The following NCAM2 variants were observed in gnomAD, a reference collection of about 807,000 sequenced individuals.
NCAM2 encodes N-CAM-2.
Under a neutral mutation model 98.1 loss-of-function variants are expected in NCAM2, and 30 were observed. That is an observed-to-expected ratio of 0.31 (90% CI 0.23 to 0.41). The LOEUF (loss-of-function observed/expected upper bound fraction) is 0.41. NCAM2 is among the 10% of genes least tolerant of loss of function. The pLI is 1.00. For missense variants in NCAM2, 867 were observed against 1,005.8 expected (o/e 0.86, Z 1.87); for synonymous variants, 368 against 342.4 (o/e 1.07, Z -0.83).
At position 21,510,576 on chromosome 21, in the gene NCAM2, G is replaced by A. The variant is rs555394474; in HGVS notation, c.2282+1521G>A. ...TCTATGCATCTGTTGAAGCGTGGAAGGTCTCATACTGTTTTATAGACACAT... is the reference window on the plus strand; with the variant it reads ...TCTATGCATCTGTTGAAGCGTGGAAAGTCTCATACTGTTTTATAGACACAT... On this transcript the variant is annotated intron_variant, in intron 16 of 17. Transcript: ENST00000400546. Among the ~76,000 whole-genome samples, 12 of 126,130 alleles carry A rather than the reference G, an allele frequency of 9.5e-5. No individual in the cohort carries two copies. In the East Asian group the frequency reaches 2.4e-3, roughly 25 times the overall value. The allele number at this position is 126,130 out of a possible 152,430, so 82.7% of individuals were successfully genotyped here. A position where few individuals can be genotyped will look rare whatever the true frequency, so the allele number is the denominator to read the frequency against.
intron 4 of NCAM2, among the ~76,000 whole-genome samples, chr21:21,287,177 C>A (rs973318502): frequency 6.6e-6 from 1 of 151,884 alleles, no homozygotes; most frequent in African/African-American, 2.4e-5. Flanking sequence ...TTTCAATGCA[C>A]CTGCACAGCA....
At chr21:21,421,380 T>C (rs897031245) in intron 11 of NCAM2, among the ~76,000 whole-genome samples, 1 of 4,392 alleles carries the variant, frequency 2.3e-4, no homozygotes, top group African/African-American at 2.4e-4. Flanking sequence ...TTAGAAAATA[T>C]TGGAAATTTT....
chr21:21,029,429 G>T (rs1309316372), intron 1 of NCAM2, among the ~76,000 whole-genome samples: 1 of 152,078 alleles, frequency 6.6e-6, no homozygotes, highest in African/African-American at 2.4e-5. Context: ...TCTGTGCTGG[G>T]ATGCCTGCCA....
intron 12 of NCAM2, among the ~76,000 whole-genome samples, chr21:21,437,474 C>CTGTGTGTG (rs3990174): frequency 0.017 from 2,452 of 144,494 alleles, 38 homozygotes; most frequent in African/African-American, 0.042. Flanking sequence ...CACCAAGATT[C>CTGTGTGTG]TGTGTGTGTG....
At chr21:21,530,130 ATGATTTAATT>A (rs1989554416) in intron 16 of NCAM2, among the ~76,000 whole-genome samples, 5 of 144,108 alleles carry the variant, frequency 3.5e-5, no homozygotes, top group African/African-American at 5.0e-5. Flanking sequence ...TTAATTATAT[ATGATTTAATT>A]TAATTTAATT....
rs1483062198 is a variant in NCAM2 at position 21,331,517 on chromosome 21, C to CTCTCTCTCTATA, written c.738-3987_738-3986insCTCTCTCTATAT. Reference sequence around the variant, plus strand: ...TATATATACTCTATACTCTCTCTCTCTATATATATATATATATACTCTATA... The same window carrying CTCTCTCTCTATA: ...TATATATACTCTATACTCTCTCTCTCTCTCTCTCTATATATATATATATATATATACTCTATA... On this transcript the variant is annotated intron_variant, in intron 6 of 17. Coordinates refer to ENST00000400546, the MANE Select transcript of NCAM2 (RefSeq NM_004540.5). 6.9e-3 allele frequency among the ~76,000 whole-genome samples: 48 copies of CTCTCTCTCTATA among 6,936 alleles called. 3 individuals are homozygous for CTCTCTCTCTATA. Among genetic ancestry groups the CTCTCTCTCTATA allele is most frequent in the East Asian group, 0.038 (17 of 444 alleles). The allele number at this position is 6,936 out of a possible 152,430, so 4.6% of individuals were successfully genotyped here.
chr21:21,328,624 A>G (rs1244570526), intron 6 of NCAM2, among the ~76,000 whole-genome samples: 1 of 147,154 alleles, frequency 6.8e-6, no homozygotes, highest in Non-Finnish European at 1.5e-5. Context: ...AAGAAAAAAT[A>G]TATATCCTTA....
At chr21:21,272,240 CTTAAA>C (rs1374425358) in intron 1 of NCAM2, among the ~76,000 whole-genome samples, 1 of 152,092 alleles carries the variant, frequency 6.6e-6, no homozygotes, top group Non-Finnish European at 1.5e-5. Context: ...CTGCAATCAA[CTTAAA>C]TTATACATTG....
intron 1 of NCAM2, among the ~76,000 whole-genome samples, chr21:21,146,480 T>A (rs2067275774): frequency 6.7e-6 from 1 of 150,270 alleles, no homozygotes; most frequent in Non-Finnish European, 1.5e-5. Flanking sequence ...ACAGAACCAA[T>A]ATATACTCAA....
chr21:21,449,442 T>C (rs1244882799), intron 12 of NCAM2, among the ~76,000 whole-genome samples: 1 of 151,930 alleles, frequency 6.6e-6, no homozygotes, highest in Non-Finnish European at 1.5e-5. Context: ...AAATTCAATG[T>C]ACATATGATG....
At chr21:21,446,300 A>T (rs1224553815) in intron 12 of NCAM2, among the ~76,000 whole-genome samples, 1 of 151,840 alleles carries the variant, frequency 6.6e-6, no homozygotes, top group Non-Finnish European at 1.5e-5. Flanking sequence ...TCTGATGATT[A>T]TGTGTCTTGG....
chr21:21,163,608 G>A (rs946500893), intron 1 of NCAM2, among the ~76,000 whole-genome samples: 2 of 152,092 alleles, frequency 1.3e-5, no homozygotes, highest in Admixed American at 6.6e-5. Flanking sequence ...TCTTTTAAGA[G>A]TAGTTTTCTG....
intron 1 of NCAM2, among the ~76,000 whole-genome samples, chr21:21,224,823 A>G (rs1346778626): frequency 1.3e-5 from 2 of 152,154 alleles, no homozygotes; most frequent in Non-Finnish European, 2.9e-5. Context: ...AAAACCAATG[A>G]TGAAATAGAA....
intron 8 of NCAM2, among the ~76,000 whole-genome samples, chr21:21,351,948 C>T (rs1332714757): frequency 6.6e-6 from 1 of 152,064 alleles, no homozygotes; most frequent in Non-Finnish European, 1.5e-5. Flanking sequence ...CAGGGTTTCA[C>T]CATATAGGCC....
At chr21:21,324,758 A>G (rs2074468934) in intron 6 of NCAM2, among the ~76,000 whole-genome samples, 1 of 152,154 alleles carries the variant, frequency 6.6e-6, no homozygotes, top group Non-Finnish European at 1.5e-5. Flanking sequence ...AGACTTTTGG[A>G]AAAATGGGAC....
At chr21:21,395,795 TAATTGGC>T (rs142005123) in intron 9 of NCAM2, among the ~76,000 whole-genome samples, 13,738 of 151,982 alleles carry the variant, frequency 0.09, 757 homozygotes, top group East Asian at 0.29. Context: ...GGTACTGGGA[TAATTGGC>T]AAGCCACAAG....
intron 13 of NCAM2, among the ~76,000 whole-genome samples, chr21:21,468,271 A>T (rs1023629619): frequency 6.6e-6 from 1 of 152,030 alleles, no homozygotes; most frequent in African/African-American, 2.4e-5. Flanking sequence ...CTGATGTGTT[A>T]ATGTATTCAT....
intron 9 of NCAM2, among the ~76,000 whole-genome samples, chr21:21,387,102 G>C (rs2076284429): frequency 6.6e-6 from 1 of 151,734 alleles, no homozygotes; most frequent in Non-Finnish European, 1.5e-5. Context: ...TTGGAGATTA[G>C]GATGCTAGCA....
At chr21:21,115,989 G>GTGTGTGTC (rs796784161) in intron 1 of NCAM2, among the ~76,000 whole-genome samples, 3,207 of 130,488 alleles carry the variant, frequency 0.025, 108 homozygotes, top group African/African-American at 0.085. Flanking sequence ...GTGTGTGTGT[G>GTGTGTGTC]TGTCTGTCTG....
Sources: allele counts gnomAD v4.1 joint callset (sites outside exome capture counted in the v4.1 genomes callset), GRCh38; gene constraint gnomAD v4.1.1; transcripts MANE v1.5; gene names NCBI Gene and HGNC (gene_info 2026-07-23, HGNC 2026-07-21).